The following ALAS1 variants were observed in gnomAD, a reference collection of about 807,000 sequenced individuals.
The protein encoded by ALAS1 is 5'-aminolevulinate synthase 1.
In ALAS1, 29 loss-of-function variants were observed where a neutral mutation model predicts 59.6. The ratio of observed to expected loss-of-function variants is 0.49; its 90% CI spans 0.36 to 0.66. ALAS1 has a LOEUF of 0.66. Ranked by LOEUF, ALAS1 falls within the 30% of genes least tolerant of loss-of-function variation. The pLI is 0.00. For missense variants in ALAS1, 690 were observed against 807.5 expected (o/e 0.85, Z 1.76); for synonymous variants, 299 against 296.6 (o/e 1.01, Z -0.08).
At chr3:52,199,784 T>C (rs1238675007) in intron 3 of ALAS1, among the ~76,000 whole-genome samples, 1 of 152,254 alleles carries the variant, frequency 6.6e-6, no homozygotes, top group Non-Finnish European at 1.5e-5. Context: ...AGCCTTCTAA[T>C]TTCCCTCATT....
At chr3:52,202,426 A>G (rs1038662328) in intron 3 of ALAS1, 81 bp from the exon 4 acceptor site, 3 of 1,107,274 alleles carry the variant, frequency 2.7e-6, no homozygotes, top group Non-Finnish European at 4.1e-6. Flanking sequence ...TCTTTGAGGC[A>G]ATAAAAGAAA....
chr3:52,210,625 T>G (rs546056377), intron 9 of ALAS1, among the ~76,000 whole-genome samples: 1 of 151,890 alleles, frequency 6.6e-6, no homozygotes, highest in African/African-American at 2.4e-5. Flanking sequence ...AAATAAAAAT[T>G]TAAAAAATCA....
Position 52,198,162 on chromosome 3 carries a change from GC to G in ALAS1, c.-302del, listed in dbSNP as rs1279084816. 2.5e-6 allele frequency: 1 copy of G among 398,448 alleles called. No individual in the cohort carries two copies. Among genetic ancestry groups the G allele is most frequent in the African/African-American group, 2.1e-5 (1 of 48,632 alleles). 24.7% of individuals were successfully genotyped at this position (398,448 alleles called of 1,614,324 possible). On this transcript the variant is annotated 5_prime_UTR_variant, in exon 1 of 12. Coordinates refer to ENST00000484952, the MANE Select transcript of ALAS1 (RefSeq NM_000688.6). ...AAGGCGCCGGCGATCGCGGCCTGAG[GC>G]TGCTCCCGGACAAGGGCAACGAGCG...
chr3:52,204,139 G>A (rs1191557496), intron 5 of ALAS1, 127 bp downstream of exon 5: 1 of 998,582 alleles, frequency 1.0e-6, no homozygotes, highest in East Asian at 2.8e-5. Context: ...AGCACTTTGG[G>A]AGGCTGAAGC....
intron 9 of ALAS1, among the ~76,000 whole-genome samples, chr3:52,208,514 G>A (rs1699340688): frequency 6.6e-6 from 1 of 152,204 alleles, no homozygotes; most frequent in African/African-American, 2.4e-5. Context: ...CTAGCCCCAT[G>A]CCATGGCAAG....
At chr3:52,204,953 T>C (rs1250040648) in intron 6 of ALAS1, 38 bp downstream of exon 6, 15 of 1,558,182 alleles carry the variant, frequency 9.6e-6, no homozygotes, top group Non-Finnish European at 1.3e-5. Flanking sequence ...ACTGTTGTTA[T>C]TTGGCAAGCC....
At chr3:52,203,635 A>G (rs1233824940) in intron 4 of ALAS1, among the ~76,000 whole-genome samples, 1 of 152,164 alleles carries the variant, frequency 6.6e-6, no homozygotes, top group Non-Finnish European at 1.5e-5. Context: ...TTTGGACTTT[A>G]TTGTTCATTA....
chr3:52,198,899 G>T, intron 2 of ALAS1, 51 bp downstream of exon 2: 5 of 1,528,218 alleles, frequency 3.3e-6, no homozygotes, highest in Non-Finnish European at 2.6e-6. Context: ...GAAACCTCTG[G>T]CCTCCCAAAC....
intron 8 of ALAS1, among the ~76,000 whole-genome samples, 161 bp downstream of exon 8, chr3:52,206,912 G>A (rs1487125183): frequency 6.6e-6 from 1 of 151,802 alleles, no homozygotes; most frequent in East Asian, 1.9e-4. Context: ...TCGACTCACT[G>A]CAAGCTCCGC....
At chr3:52,199,508 C>T (rs1166789346) in intron 3 of ALAS1, 68 bp downstream of exon 3, 1 of 1,462,622 alleles carries the variant, frequency 6.8e-7, no homozygotes, top group Non-Finnish European at 9.4e-7. Flanking sequence ...AGAAGCAGTC[C>T]CCACAGTGGT....
rs1699113195 is a variant in ALAS1, at chr3:52,198,377, T to C, written c.-210+122T>C. On this transcript the variant is annotated intron_variant, in intron 1 of 11. Coordinates refer to ENST00000484952, the MANE Select transcript of ALAS1 (RefSeq NM_000688.6). ...CCCACTGTCCCAGTCACCCGCCGCC[T>C]TGAGGTCAGCGTTTATCCTCCAGAT... 4 of 423,156 alleles carry C rather than the reference T, an allele frequency of 9.5e-6. No individual in the cohort carries two copies. In the East Asian group the frequency reaches 1.4e-4, roughly 15 times the overall value. 26.2% of individuals were successfully genotyped at this position (423,156 alleles called of 1,614,324 possible).
chr3:52,203,800 G>A, intron 4 of ALAS1, 63 bp from the exon 5 acceptor site: 2 of 1,503,440 alleles, frequency 1.3e-6, no homozygotes, highest in Non-Finnish European at 1.8e-6. Flanking sequence ...AATATGTTTG[G>A]AAGATATTGT....
chr3:52,202,152 C>T (rs1250965477), intron 3 of ALAS1, among the ~76,000 whole-genome samples: 1 of 152,160 alleles, frequency 6.6e-6, no homozygotes, highest in Non-Finnish European at 1.5e-5. Context: ...GAGTTCAAGA[C>T]CAGCCTGGAC....
At chr3:52,213,959 A>T (rs1699463918) in intron 11 of ALAS1, 61 bp from the exon 12 acceptor site, 1 of 1,472,648 alleles carries the variant, frequency 6.8e-7, no homozygotes, top group Admixed American at 2.0e-5. Context: ...GTGTGGACAT[A>T]TGTTTTCATT....
chr3:52,199,683 G>A (rs1383374158), intron 3 of ALAS1, among the ~76,000 whole-genome samples: 2 of 152,226 alleles, frequency 1.3e-5, no homozygotes, highest in Non-Finnish European at 2.9e-5. Flanking sequence ...TGGATTGCAC[G>A]TTAGTGTCTA....
chr3:52,211,176 A>C, intron 9 of ALAS1, 107 bp from the exon 10 acceptor site: 1 of 1,307,506 alleles, frequency 7.6e-7, no homozygotes, highest in South Asian at 1.4e-5. Context: ...AACAAATTAA[A>C]AAGATAAGGA....
At chr3:52,209,684 G>T (rs1048540506) in intron 9 of ALAS1, among the ~76,000 whole-genome samples, 1 of 152,208 alleles carries the variant, frequency 6.6e-6, no homozygotes, top group African/African-American at 2.4e-5. Context: ...GATCTATGAA[G>T]ACTCTTCTGG....
At chr3:52,204,982 T>C in intron 6 of ALAS1, 67 bp downstream of exon 6, 1 of 1,370,410 alleles carries the variant, frequency 7.3e-7, no homozygotes, top group Non-Finnish European at 1.0e-6. Context: ...TGTATAGGGG[T>C]TGGATCTTTT....
Position 52,212,262 on chromosome 3 carries a change from C to T in ALAS1, c.1604C>T (p.Ala535Val). 4 of 1,613,082 alleles carry T rather than the reference C, an allele frequency of 2.5e-6. No homozygotes were observed. The highest frequency in any genetic ancestry group is 3.4e-6 in the Non-Finnish European group (4 of 1,179,456). Residue 535 changes from alanine to valine, a missense_variant, in exon 11 of 12, where the codon GCA becomes GTA. Coordinates refer to ENST00000484952, the MANE Select transcript of ALAS1 (RefSeq NM_000688.6). ...TTCTGCTCTCATTGAACTTAGGTTG[C>T]AGATGCTGCTAAAAACACAGAAGTC... The part of the protein sequence containing the change: ...CPSHIIPVRV[A>V]DAAKNTEVCD...
Sources: allele counts gnomAD v4.1 joint callset (sites outside exome capture counted in the v4.1 genomes callset), GRCh38; gene constraint gnomAD v4.1.1; transcripts MANE v1.5; gene names NCBI Gene and HGNC (gene_info 2026-07-23, HGNC 2026-07-21).